Variants in CTNNBL1 observed in about 807,000 individuals in gnomAD.
CTNNBL1 encodes the protein beta-catenin-like protein 1.
In CTNNBL1, 31 loss-of-function variants were observed where a neutral mutation model predicts 72.7. The ratio of observed to expected loss-of-function variants is 0.43; its 90% confidence interval spans 0.32 to 0.58. The LOEUF is 0.58. CTNNBL1 is among the 20% of genes least tolerant of loss of function. The pLI, the probability that CTNNBL1 is intolerant of heterozygous loss-of-function variation, is 0.08. For synonymous variants in CTNNBL1, 240 were observed against 267.3 expected (o/e 0.90, Z 1.00); for missense variants, 534 against 725.1 (o/e 0.74, Z 3.03).
At chr20:37,733,977 G>A (rs2073151648) in intron 2 of CTNNBL1, among the ~76,000 whole-genome samples, 1 of 152,132 alleles carries the variant, frequency 6.6e-6, no homozygotes, top group Admixed American at 6.5e-5. Context: ...AAATATCAGT[G>A]ATTAAAAACA....
intron 4 of CTNNBL1, chr20:37,749,731 G>A (rs1301219656): frequency 6.6e-6 from 1 of 152,134 alleles, no homozygotes; most frequent in Non-Finnish European, 1.5e-5. Context: ...TTTCTTGAAA[G>A]TGATTTCAGG....
chr20:37,871,957 C>T lies in CTNNBL1; in HGVS notation c.1636C>T (p.Pro546Ser). The T allele has an allele frequency of 1.2e-6, 2 of 1,613,994 alleles. No individual in the cohort carries two copies. The highest frequency in any genetic ancestry group is 1.7e-6 in the Non-Finnish European group (2 of 1,179,986). ...YAENIGDGRS[P>S]EFRENEQKRI... The stretch of plus-strand genomic sequence containing the variant: ...AGAGAACATCGGGGACGGCCGGAGC[C>T]CGGAGTTCCGGGAGAACGAGCAAAA... Residue 546 changes from proline to serine, a missense_variant, in exon 16 of 16, where the codon CCG becomes TCG. Transcript: ENST00000361383.
At chr20:37,836,372 C>T (rs2072253967) in intron 11 of CTNNBL1, among the ~76,000 whole-genome samples, 1 of 152,188 alleles carries the variant, frequency 6.6e-6, no homozygotes, top group African/African-American at 2.4e-5. Context: ...TCAGCCTTTG[C>T]CCACCTCACT....
chr20:37,806,154 C>A (rs768869217), intron 11 of CTNNBL1, among the ~76,000 whole-genome samples: 1 of 152,190 alleles, frequency 6.6e-6, no homozygotes, highest in East Asian at 1.9e-4. Context: ...GCAGAACCCC[C>A]ACTTTAGAGC....
chr20:37,694,616 A>G (rs1378255707), intron 1 of CTNNBL1, among the ~76,000 whole-genome samples: 2 of 152,186 alleles, frequency 1.3e-5, no homozygotes, highest in East Asian at 3.9e-4. Context: ...TAGTGGAGAC[A>G]CTAATAACTG....
intron 10 of CTNNBL1, among the ~76,000 whole-genome samples, chr20:37,788,213 A>G (rs1184068462): frequency 6.6e-6 from 1 of 152,162 alleles, no homozygotes. Flanking sequence ...TGCACCATGC[A>G]TGGTAAGTTG....
intron 2 of CTNNBL1, among the ~76,000 whole-genome samples, chr20:37,736,368 G>A (rs2122604888): frequency 6.6e-6 from 1 of 152,294 alleles, no homozygotes; most frequent in East Asian, 1.9e-4. Flanking sequence ...AAGGGTCACT[G>A]TCACTGACTC....
chr20:37,833,026 G>A (rs528536206), intron 11 of CTNNBL1, among the ~76,000 whole-genome samples: 1 of 152,168 alleles, frequency 6.6e-6, no homozygotes, highest in Admixed American at 6.5e-5. Context: ...TGTTTCGGGA[G>A]GGTAGCATGC....
chr20:37,795,631 C>T (rs903722748), intron 10 of CTNNBL1, among the ~76,000 whole-genome samples: 1 of 152,172 alleles, frequency 6.6e-6, no homozygotes, highest in African/African-American at 2.4e-5. Flanking sequence ...TTAATCTCAT[C>T]TACTGTATTT....
chr20:37,694,597 G>GT (rs372801351), intron 1 of CTNNBL1, among the ~76,000 whole-genome samples: 90 of 152,238 alleles, frequency 5.9e-4, no homozygotes, highest in African/African-American at 2.1e-3. Flanking sequence ...CCAAGTTTTT[G>GT]TATCTATATA....
At chr20:37,790,561 A>G (rs925721545) in intron 10 of CTNNBL1, among the ~76,000 whole-genome samples, 3 of 152,224 alleles carry the variant, frequency 2.0e-5, no homozygotes, top group Admixed American at 2.0e-4. Flanking sequence ...GGATAGTGGT[A>G]GTTTGCACCT....
chr20:37,803,925 A>G (rs879588490), intron 11 of CTNNBL1, among the ~76,000 whole-genome samples: 12 of 151,726 alleles, frequency 7.9e-5, no homozygotes, highest in Non-Finnish European at 1.2e-4. Context: ...TGCATTCCTC[A>G]TCCTCATAGA....
intron 11 of CTNNBL1, among the ~76,000 whole-genome samples, chr20:37,810,693 C>T (rs546364960): frequency 2.6e-5 from 4 of 152,274 alleles, no homozygotes; most frequent in Admixed American, 2.6e-4. Flanking sequence ...TTTGAGTACT[C>T]TTCGAAGGAT....
chr20:37,777,297 G>A (rs372490081), intron 7 of CTNNBL1, 48 bp from the exon 8 acceptor site: 1 of 1,473,490 alleles, frequency 6.8e-7, no homozygotes, highest in Non-Finnish European at 9.5e-7. Flanking sequence ...CCTGGGGAAG[G>A]AAGCAAGACC....
At chr20:37,784,195 A>G (rs533736102) in intron 10 of CTNNBL1, among the ~76,000 whole-genome samples, 3 of 152,090 alleles carry the variant, frequency 2.0e-5, no homozygotes, top group African/African-American at 4.8e-5. Context: ...TTTCATTTGC[A>G]TAGAATATCT....
At chr20:37,797,126 TTC>T (rs1250685625) in intron 10 of CTNNBL1, among the ~76,000 whole-genome samples, 1 of 152,166 alleles carries the variant, frequency 6.6e-6, no homozygotes, top group Admixed American at 6.5e-5. Flanking sequence ...GTTTCTGTTT[TTC>T]TTTTTCCACC....
At position 37,733,819 on chromosome 20, in the gene CTNNBL1, T is replaced by G. The variant is rs138522759; in HGVS notation, c.219+752T>G. 1.4e-3 allele frequency among the ~76,000 whole-genome samples: 208 copies of G among 152,328 alleles called. 2 individuals are homozygous for G. In the East Asian group the frequency reaches 0.034, roughly 25 times the overall value. ...TTGTTTATTTTGCTCATTGCTGTCC[T>G]CCTCTCAGCCTCCCATGAAAACAGA... On this transcript the variant is annotated intron_variant, in intron 2 of 15. Coordinates refer to ENST00000361383, the MANE Select transcript of CTNNBL1 (RefSeq NM_030877.5).
chr20:37,872,018 A>G lies in CTNNBL1; in HGVS notation c.*5A>G. The G allele has an allele frequency of 6.2e-7, 1 of 1,612,672 alleles. No individual in the cohort carries two copies. The highest frequency in any genetic ancestry group is 8.5e-7 in the Non-Finnish European group (1 of 1,178,732). ...GGCTTGCTGGAGAACTTCTAGAGGC[A>G]CCTTGGCCCTGCGCATCATGGACTC... On this transcript the variant is annotated 3_prime_UTR_variant, in exon 16 of 16. Transcript: ENST00000361383.
intron 10 of CTNNBL1, among the ~76,000 whole-genome samples, chr20:37,787,844 A>C (rs187827379): frequency 1.5e-3 from 220 of 151,692 alleles, no homozygotes; most frequent in African/African-American, 5.1e-3. Flanking sequence ...TATTCTTTCT[A>C]TTAGTGATTA....
Sources: gnomAD v4.1 joint callset for allele counts (sites outside exome capture counted in the v4.1 genomes callset) on GRCh38, gnomAD v4.1.1 for gene constraint, MANE v1.5 for transcripts, NCBI Gene and HGNC (gene_info 2026-07-23, HGNC 2026-07-21) for gene names.